Variants in CDC5L observed in about 807,000 individuals in gnomAD.
The protein encoded by CDC5L is cell division cycle 5 like.
A neutral mutation model predicts 104.1 loss-of-function variants in CDC5L; 18 were observed. That is an observed-to-expected ratio of 0.17 (90% CI 0.12 to 0.26). The LOEUF is 0.26. Among genes scored for constraint, CDC5L ranks in the 10% least tolerant of loss-of-function variants. CDC5L has a pLI of 1.00. For synonymous variants in CDC5L, 331 were observed against 322.7 expected (o/e 1.03, Z -0.28); for missense variants, 673 against 956.9 (o/e 0.70, Z 3.91).
rs115565552 is a variant in CDC5L, at chr6:44,417,513, C to T, written c.1093-1936C>T. 7.9e-3 allele frequency among the ~76,000 whole-genome samples: 1,205 copies of T among 152,122 alleles called. 20 individuals carry two copies. The highest frequency in any genetic ancestry group is 0.028 in the African/African-American group (1,150 of 41,470). ...TATGGGGAGGGAACATAGACCCTAC[C>T]TCTTGATGGAAGGAGTATCACAGTT... On this transcript the variant is annotated intron_variant, in intron 8 of 15. Coordinates refer to ENST00000371477, the MANE Select transcript of CDC5L (RefSeq NM_001253.4).
At chr6:44,418,378 T>G (rs2153380287) in intron 8 of CDC5L, among the ~76,000 whole-genome samples, 1 of 152,360 alleles carries the variant, frequency 6.6e-6, no homozygotes, top group South Asian at 2.1e-4. Flanking sequence ...TGCTACATTT[T>G]CTTAATCCAG....
intron 15 of CDC5L, 69 bp from the exon 16 acceptor site, chr6:44,446,535 GATA>G (rs1167664505): frequency 8.3e-6 from 5 of 602,784 alleles, no homozygotes; most frequent in African/African-American, 7.8e-5. Context: ...TGGTTTTTAA[GATA>G]ATAAAGTACT....
chr6:44,391,142 T>C (rs1790599609), intron 2 of CDC5L, among the ~76,000 whole-genome samples: 1 of 145,452 alleles, frequency 6.9e-6, no homozygotes, highest in South Asian at 2.1e-4. Context: ...TTATATATTA[T>C]ATATTAAACA....
chr6:44,429,960 A>G (rs1264432371), intron 14 of CDC5L, 50 bp downstream of exon 14: 1 of 1,423,586 alleles, frequency 7.0e-7, no homozygotes, highest in Non-Finnish European at 9.7e-7. Flanking sequence ...GATTGAGATA[A>G]TGAACTAAAT....
Position 44,426,520 on chromosome 6 carries a change from G to A in CDC5L, c.1689G>A (p.Pro563=), listed in dbSNP as rs375237261. The stretch of plus-strand genomic sequence containing the variant: ...TTCTAAGACCCTTAAATGTAGAACC[G>A]CCTTTAACAGATTTACAGAAAAGTG... ...ETILRPLNVE[P]PLTDLQKSEE... is the part of the protein sequence containing the mutation. Residue 563 remains proline, a synonymous_variant, in exon 13 of 16, where the codon CCG becomes CCA. Transcript: ENST00000371477. 4.1e-5 allele frequency: 65 copies of A among 1,578,602 alleles called. No homozygotes were observed. The highest frequency in any genetic ancestry group is 3.3e-4 in the Middle Eastern group (2 of 6,002).
intron 8 of CDC5L, among the ~76,000 whole-genome samples, chr6:44,416,114 C>T (rs1393731237): frequency 6.6e-6 from 1 of 152,096 alleles, no homozygotes; most frequent in East Asian, 1.9e-4. Context: ...CTGATGTAGT[C>T]TAGGGTATAT....
intron 14 of CDC5L, among the ~76,000 whole-genome samples, chr6:44,443,319 G>A (rs1793299216): frequency 6.6e-6 from 1 of 151,604 alleles, no homozygotes; most frequent in Non-Finnish European, 1.5e-5. Context: ...TAATTGTGAT[G>A]TGTCTTGGTG....
intron 5 of CDC5L, among the ~76,000 whole-genome samples, chr6:44,401,317 C>T (rs1791112862): frequency 0.014 from 1 of 74 alleles, no homozygotes; most frequent in African/African-American, 0.024. Context: ...CCCGTCCGTC[C>T]GCCCGCAGCG....
At position 44,448,731 on chromosome 6, in the gene CDC5L, G is replaced by A. The variant is rs1793542693; in HGVS notation, c.*2020G>A. The A allele has an allele frequency of 2.0e-5, 3 of 152,054 alleles. No homozygotes were observed. The highest frequency in any genetic ancestry group is 6.6e-5 in the Admixed American group (1 of 15,264). 9.4% of individuals were successfully genotyped at this position (152,054 alleles called of 1,614,324 possible). A position where few individuals can be genotyped will look rare whatever the true frequency, so the allele number is the denominator to read the frequency against. On this transcript the variant is annotated 3_prime_UTR_variant, in exon 16 of 16. Transcript: ENST00000371477. ...TTATTTCACTTTTATTGCATGTTTTGTTATCTGAAATGTTTAGGACAATGT... is the reference window on the plus strand; with the variant it reads ...TTATTTCACTTTTATTGCATGTTTTATTATCTGAAATGTTTAGGACAATGT...
At chr6:44,435,096 C>T (rs2153383079) in intron 14 of CDC5L, among the ~76,000 whole-genome samples, 1 of 138,632 alleles carries the variant, frequency 7.2e-6, no homozygotes, top group Admixed American at 7.1e-5. Flanking sequence ...CCTGCCCCCA[C>T]ATACTCCCAT....
Position 44,390,316 on chromosome 6 carries a change from T to A in CDC5L, c.94T>A (p.Ser32Thr). 6.2e-7 allele frequency: 1 copy of A among 1,613,678 alleles called. No individual in the cohort carries two copies. Residue 32 changes from serine (S) to threonine (T), a missense_variant, in exon 2 of 16, where the codon TCT becomes ACT. Coordinates refer to ENST00000371477, the MANE Select transcript of CDC5L (RefSeq NM_001253.4). ...AATGAAATATGGGAAAAATCAGTGG[T>A]CTAGGATTGCCTCATTGCTGCATAG... Reference protein sequence around the residue: ...AVMKYGKNQWSRIASLLHRKS... With the variant: ...AVMKYGKNQWTRIASLLHRKS...
At chr6:44,417,367 G>T (rs1442719264) in intron 8 of CDC5L, among the ~76,000 whole-genome samples, 2 of 152,080 alleles carry the variant, frequency 1.3e-5, no homozygotes, top group African/African-American at 4.8e-5. Context: ...GGTATCTCAG[G>T]GCTCCACTGT....
chr6:44,425,752 G>C (rs1792390059), intron 11 of CDC5L, among the ~76,000 whole-genome samples: 1 of 152,110 alleles, frequency 6.6e-6, no homozygotes, highest in African/African-American at 2.4e-5. Flanking sequence ...GGCTTTTTGA[G>C]TTAAAAGTCA....
At chr6:44,401,901 G>A (rs1221678787) in intron 5 of CDC5L, among the ~76,000 whole-genome samples, 2 of 141,822 alleles carry the variant, frequency 1.4e-5, no homozygotes, top group African/African-American at 2.6e-5. Context: ...GAGAATATGC[G>A]GTGTTTGGTT....
chr6:44,396,577 TGGATAGCTG>T (rs2153375284), intron 5 of CDC5L, 137 bp downstream of exon 5: 1 of 590,702 alleles, frequency 1.7e-6, no homozygotes, highest in East Asian at 2.9e-5. Context: ...AATTCTGCAG[TGGATAGCTG>T]GGTGTCCTCT....
At chr6:44,396,779 A>G (rs1467666783) in intron 5 of CDC5L, among the ~76,000 whole-genome samples, 1 of 152,172 alleles carries the variant, frequency 6.6e-6, no homozygotes, top group Non-Finnish European at 1.5e-5. Context: ...TTCATCTGCT[A>G]GAGGACTCAC....
chr6:44,419,452 G>T lies in CDC5L; in HGVS notation c.1096G>T (p.Ala366Ser). ...TCTTTGTCTTCTTGTTAATCAGGAA[G>T]CCCAGAACCTCATGGCCCTCACCAA... ...PASQDRILQE[A>S]QNLMALTNVD... The change falls in exon 9 of 16, where the codon GCC becomes TCC. Residue 366 changes from alanine to serine, a missense_variant. Physicochemically the swap from Ala to Ser is moderately conservative, Grantham distance 99 (BLOSUM62 1). Around this residue, in one of 4 missense-constraint regions of CDC5L, gnomAD observed 578 missense variants for 737.0 expected, o/e 0.78. Coordinates refer to ENST00000371477, the MANE Select transcript of CDC5L (RefSeq NM_001253.4). 1 of 1,613,740 alleles carries T rather than the reference G, an allele frequency of 6.2e-7. No individual in the cohort carries two copies. Among genetic ancestry groups the T allele is most frequent in the Non-Finnish European group, 8.5e-7 (1 of 1,179,892 alleles).
chr6:44,392,015 TGATTTTTAGGCTGAAGAA>T (rs1333273017), intron 2 of CDC5L, among the ~76,000 whole-genome samples: 2 of 152,104 alleles, frequency 1.3e-5, no homozygotes, highest in Non-Finnish European at 2.9e-5. Context: ...AAGAGGAAGA[TGATTTTTAGGCTGAAGAA>T]GTCGTTCTGA....
chr6:44,407,219 A>G (rs139741638), intron 7 of CDC5L, among the ~76,000 whole-genome samples: 152 of 152,236 alleles, frequency 1.0e-3, no homozygotes, highest in Middle Eastern at 6.8e-3. Flanking sequence ...GTGAAAGTCA[A>G]TGTGGGAGTT....
Sources: gnomAD v4.1 joint callset for allele counts (sites outside exome capture counted in the v4.1 genomes callset) on GRCh38, gnomAD v4.1.1 for gene constraint, gnomAD v4.1.1 regional missense constraint, MANE v1.5 for transcripts, NCBI Gene and HGNC (gene_info 2026-07-23, HGNC 2026-07-21) for gene names.